The following SLC30A4 variants were observed in gnomAD, a reference collection of about 807,000 sequenced individuals.
SLC30A4 encodes the protein solute carrier family 30 member 4.
In SLC30A4, 20 loss-of-function variants were observed where a neutral mutation model predicts 41.7. The ratio of observed to expected loss-of-function variants is 0.48; its 90% CI spans 0.34 to 0.70. The LOEUF is 0.70. Ranked by LOEUF, SLC30A4 falls within the 30% of genes least tolerant of loss-of-function variation. The probability of loss-of-function intolerance (pLI) is 0.01; values close to 1 mark genes in which losing one functional copy is unlikely to be tolerated. For missense variants in SLC30A4, 441 were observed against 529.3 expected (o/e 0.83, Z 1.64); for synonymous variants, 181 against 195.9 (o/e 0.92, Z 0.64).
At chr15:45,516,620 G>T (rs1892487247) in intron 2 of SLC30A4, among the ~76,000 whole-genome samples, 1 of 152,236 alleles carries the variant, frequency 6.6e-6, no homozygotes, top group South Asian at 2.1e-4. Context: ...TGTAATCCCA[G>T]CACTTTGGGA....
At position 45,482,057 on chromosome 15, in the gene SLC30A4, TAAAAAAAAAAAAAAAA is replaced by T. The variant is rs57854212; in HGVS notation, c.*3090_*3105del. ...GCAACATAGGGAGACCCCATCTCATTAAAAAAAAAAAAAAAAAAAAAAAAAAAAGATTTACAAAGGT... is the reference window on the plus strand; with the variant it reads ...GCAACATAGGGAGACCCCATCTCATTAAAAAAAAAAAAGATTTACAAAGGT... On this transcript the variant is annotated 3_prime_UTR_variant, in exon 8 of 8. Coordinates refer to ENST00000261867, the MANE Select transcript of SLC30A4 (RefSeq NM_013309.6). The T allele has an allele frequency of 2.8e-5, 1 of 35,794 alleles. No homozygotes were observed. Among genetic ancestry groups the T allele is most frequent in the Non-Finnish European group, 5.3e-5 (1 of 18,696 alleles). The allele number at this position is 35,794 out of a possible 1,614,324, so 2.2% of individuals were successfully genotyped here.
At chr15:45,496,874 TA>T (rs1449473386) in intron 3 of SLC30A4, among the ~76,000 whole-genome samples, 1 of 142,200 alleles carries the variant, frequency 7.0e-6, no homozygotes, top group African/African-American at 2.6e-5. Flanking sequence ...AATAAATAAA[TA>T]AAATAAATAG....
intron 2 of SLC30A4, among the ~76,000 whole-genome samples, chr15:45,520,091 T>G (rs746875411): frequency 1.1e-4 from 16 of 152,180 alleles, no homozygotes; most frequent in Non-Finnish European, 1.9e-4. Flanking sequence ...CAGCCTGTAT[T>G]TCAGTGGAAA....
intron 3 of SLC30A4, among the ~76,000 whole-genome samples, chr15:45,495,593 C>T (rs187100379): frequency 5.7e-4 from 87 of 152,302 alleles, no homozygotes; most frequent in Non-Finnish European, 9.0e-4. Context: ...ACTTAAAAAT[C>T]GCCTTTTTGT....
intron 2 of SLC30A4, chr15:45,521,690 A>G (rs1892671406): frequency 8.0e-6 from 3 of 377,160 alleles, no homozygotes; most frequent in South Asian, 7.5e-5. Context: ...AGAGGAAGTT[A>G]CATGACATAC....
chr15:45,504,304 G>A (rs1207446964), intron 3 of SLC30A4, among the ~76,000 whole-genome samples: 1 of 152,052 alleles, frequency 6.6e-6, no homozygotes, highest in East Asian at 1.9e-4. Flanking sequence ...ACTTGGGTGA[G>A]AACCCATTTT....
rs949072323 is a variant in SLC30A4 at position 45,482,847 on chromosome 15, A to C, written c.*2316T>G. ...CATTTTGTTACTCAGGCTGCAGTGC[A>C]ATGGTGTGGACATGGCTCACTGCAG... On this transcript the variant is annotated 3_prime_UTR_variant, in exon 8 of 8. Transcript: ENST00000261867. 6.6e-6 allele frequency: 1 copy of C among 152,186 alleles called. No individual in the cohort carries two copies. Among genetic ancestry groups the C allele is most frequent in the African/African-American group, 2.4e-5 (1 of 41,442 alleles). The allele number at this position is 152,186 out of a possible 1,614,324, so 9.4% of individuals were successfully genotyped here.
In SLC30A4 at chr15:45,486,706, G is replaced by A; in HGVS notation, c.1040C>T (p.Ala347Val). 6.3e-7 allele frequency: 1 copy of A among 1,591,732 alleles called. No homozygotes were observed. The highest frequency in any genetic ancestry group is 8.6e-7 in the Non-Finnish European group (1 of 1,166,410). The change falls in exon 7 of 8, where the codon GCC becomes GTC. Residue 347 changes from alanine to valine, a missense_variant. Coordinates refer to ENST00000261867, the MANE Select transcript of SLC30A4 (RefSeq NM_013309.6). ...ATATACATCTTCTATTTTCATCAAG[G>A]CTTCTTTGATATAGTCTACATTCAA... is the stretch of plus-strand genomic sequence containing the variant. ...SHLNVDYIKE[A>V]LMKIEDVYSV...
rs751659179 is a variant in SLC30A4 at position 45,486,688 on chromosome 15, T to C, written c.1058A>G (p.Asp353Gly). 1.3e-6 allele frequency: 2 copies of C among 1,595,360 alleles called. No individual in the cohort carries two copies. Among genetic ancestry groups the C allele is most frequent in the East Asian group, 4.5e-5 (2 of 43,996 alleles). The part of the protein sequence containing the change: ...YIKEALMKIE[D>G]VYSVEDLNIW... ...ATTTAAATCTTCGACTGAATATACA[T>C]CTTCTATTTTCATCAAGGCTTCTTT... Residue 353 changes from aspartate to glycine, a missense_variant, in exon 7 of 8, where the codon GAT becomes GGT. Physicochemically the swap from Asp to Gly is moderately conservative, Grantham distance 94. Transcript: ENST00000261867.
chr15:45,503,330 A>G (rs1431381728), intron 3 of SLC30A4, among the ~76,000 whole-genome samples: 1 of 152,186 alleles, frequency 6.6e-6, no homozygotes, highest in Non-Finnish European at 1.5e-5. Context: ...TTAGAAGGTC[A>G]TGGACTCACT....
intron 3 of SLC30A4, among the ~76,000 whole-genome samples, chr15:45,496,722 G>A (rs1891913124): frequency 6.6e-6 from 1 of 152,010 alleles, no homozygotes. Flanking sequence ...ATGGCCGGAT[G>A]TGGTAGCTCA....
chr15:45,487,536 T>G lies in SLC30A4; in HGVS notation c.991A>C (p.Ile331Leu). The G allele has an allele frequency of 6.9e-7, 1 of 1,443,984 alleles. No individual in the cohort carries two copies. Among genetic ancestry groups the G allele is most frequent in the East Asian group, 2.3e-5 (1 of 43,976 alleles). The allele number at this position is 1,443,984 out of a possible 1,614,324, so 89.4% of individuals were successfully genotyped here. The change falls in exon 6 of 8, where the codon ATA (isoleucine) becomes CTA (leucine). Residue 331 changes from isoleucine to leucine, a missense_variant. Physicochemically the swap from Ile to Leu is conservative, Grantham distance 5. Around this residue, in one of 3 missense-constraint regions of SLC30A4, gnomAD observed 100 missense variants for 121.0 expected, o/e 0.83. Transcript: ENST00000261867. ...FRIIWDTVVI[I>L]LEGVPSHLNV... ...TATAGTGAGATCTTACCTTCTAGTA[T>G]TATAACTACTGTATCCCATATGATT...
At chr15:45,509,250 T>C (rs1892226385) in intron 3 of SLC30A4, among the ~76,000 whole-genome samples, 1 of 140,402 alleles carries the variant, frequency 7.1e-6, no homozygotes, top group Non-Finnish European at 1.6e-5. Context: ...AACACATTCT[T>C]TTTTTTTTTT....
chr15:45,503,280 T>C (rs151085085), intron 3 of SLC30A4, among the ~76,000 whole-genome samples: 52 of 152,298 alleles, frequency 3.4e-4, no homozygotes, highest in Non-Finnish European at 4.4e-5. Context: ...TTAATTTTCA[T>C]TTCCTCATTT....
At chr15:45,508,569 C>T (rs1239391310) in intron 3 of SLC30A4, among the ~76,000 whole-genome samples, 1 of 152,182 alleles carries the variant, frequency 6.6e-6, no homozygotes, top group Non-Finnish European at 1.5e-5. Flanking sequence ...TCAACCCACT[C>T]ATATGTACTT....
intron 5 of SLC30A4, among the ~76,000 whole-genome samples, chr15:45,487,959 AAGTGTGTGTGTGT>A (rs2140812423): frequency 2.9e-5 from 3 of 104,940 alleles, no homozygotes; most frequent in African/African-American, 1.2e-4. Flanking sequence ...AGCTGGAAAA[AAGTGTGTGTGTGT>A]GTGTGTGTGT....
At chr15:45,495,939 G>A (rs1038128512) in intron 3 of SLC30A4, among the ~76,000 whole-genome samples, 2 of 152,102 alleles carry the variant, frequency 1.3e-5, no homozygotes, top group Non-Finnish European at 2.9e-5. Context: ...TGTTCCCTTG[G>A]TGAAAAGCAA....
intron 3 of SLC30A4, among the ~76,000 whole-genome samples, chr15:45,499,733 C>T (rs971900847): frequency 5.3e-5 from 8 of 152,096 alleles, no homozygotes; most frequent in African/African-American, 1.9e-4. Context: ...GATAGCATGC[C>T]CACAATCAAA....
chr15:45,494,589 G>A (rs1891874233), intron 3 of SLC30A4, among the ~76,000 whole-genome samples: 1 of 152,170 alleles, frequency 6.6e-6, no homozygotes, highest in African/African-American at 2.4e-5. Context: ...GGAGGCTGAG[G>A]CACAAGAATT....
Sources: allele counts gnomAD v4.1 joint callset (sites outside exome capture counted in the v4.1 genomes callset), GRCh38; gene constraint gnomAD v4.1.1; regional missense constraint gnomAD v4.1.1; transcripts MANE v1.5; gene names NCBI Gene and HGNC (gene_info 2026-07-23, HGNC 2026-07-21).